The following HMBOX1 variants were observed in gnomAD, a reference collection of about 807,000 sequenced individuals.
HMBOX1 encodes homeobox-containing protein 1.
In HMBOX1, 14 loss-of-function variants were observed where a neutral mutation model predicts 54.5. That is an observed-to-expected ratio of 0.26 (90% confidence interval 0.17 to 0.40). The LOEUF (loss-of-function observed/expected upper bound fraction) is 0.40, where lower values mean the gene tolerates loss of function less well. HMBOX1 is among the 10% of genes least tolerant of loss of function. HMBOX1 has a pLI of 1.00. For missense variants in HMBOX1, 332 were observed against 514.4 expected (o/e 0.65, Z 3.43); for synonymous variants, 160 against 181.0 (o/e 0.88, Z 0.93).
At chr8:28,963,047 C>T (rs533893789) in intron 1 of HMBOX1, among the ~76,000 whole-genome samples, 32 of 152,166 alleles carry the variant, frequency 2.1e-4, no homozygotes, top group Admixed American at 3.3e-4. Flanking sequence ...TGTGATGGTG[C>T]GATCTCGGTT....
rs1253306225 is a variant in HMBOX1, at chr8:28,960,745, CTCTTTT to C, written c.-57-3046_-57-3041del. On this transcript the variant is annotated intron_variant, in intron 1 of 9. Transcript: ENST00000287701. ...TATATTTTATAATTGTAAACTTATT[CTCTTTT>C]TCTTTTTCTTTTTCTTTTTTTTTTT... is the stretch of plus-strand genomic sequence containing the variant. Among the ~76,000 whole-genome samples the C allele has an allele frequency of 2.5e-3, 171 of 67,880 alleles. 15 individuals are homozygous for C. Among genetic ancestry groups the C allele is most frequent in the Admixed American group, 4.4e-3 (22 of 5,006 alleles). 44.5% of individuals were successfully genotyped at this position (67,880 alleles called of 152,430 possible).
chr8:28,952,170 AAAAAAG>A (rs1380563923), intron 1 of HMBOX1, among the ~76,000 whole-genome samples: 2 of 151,294 alleles, frequency 1.3e-5, no homozygotes, highest in Non-Finnish European at 2.9e-5. Context: ...AAAAAAAAAA[AAAAAAG>A]AAAAAGAAAA....
chr8:28,922,186 C>G (rs1817667844), intron 1 of HMBOX1, among the ~76,000 whole-genome samples: 2 of 152,070 alleles, frequency 1.3e-5, no homozygotes, highest in Non-Finnish European at 1.5e-5. Flanking sequence ...TTATTATTCC[C>G]TAAACAATAC....
At chr8:29,016,726 T>G (rs1835072517) in intron 5 of HMBOX1, among the ~76,000 whole-genome samples, 1 of 152,228 alleles carries the variant, frequency 6.6e-6, no homozygotes, top group Admixed American at 6.5e-5. Context: ...CACTGCCTGT[T>G]GGTCAGAGAC....
chr8:29,017,925 T>C (rs1442263863), intron 5 of HMBOX1, among the ~76,000 whole-genome samples: 3 of 152,228 alleles, frequency 2.0e-5, no homozygotes, highest in African/African-American at 7.2e-5. Flanking sequence ...CTACATGTTC[T>C]AACATGTCTT....
At chr8:28,891,102 T>A (rs1298595243) in intron 1 of HMBOX1, 1 of 152,786 alleles carries the variant, frequency 6.5e-6, no homozygotes, top group African/African-American at 2.4e-5. Context: ...TGGAGCGGTG[T>A]CTGTAGATGG....
intron 1 of HMBOX1, among the ~76,000 whole-genome samples, chr8:28,919,160 T>C (rs987498393): frequency 6.6e-6 from 1 of 152,192 alleles, no homozygotes; most frequent in Non-Finnish European, 1.5e-5. Context: ...TTTTTGACTG[T>C]GCCTTTGTTT....
chr8:29,012,171 A>G (rs1834309851), intron 5 of HMBOX1, among the ~76,000 whole-genome samples: 1 of 152,238 alleles, frequency 6.6e-6, no homozygotes, highest in African/African-American at 2.4e-5. Flanking sequence ...TATAAAGGCA[A>G]ATATCACATA....
At chr8:29,026,043 TACACAC>T (rs35597688) in intron 6 of HMBOX1, among the ~76,000 whole-genome samples, 30,343 of 143,412 alleles carry the variant, frequency 0.21, 3,328 homozygotes, top group Middle Eastern at 0.3. Flanking sequence ...TGCTACCATG[TACACAC>T]ACACACACAC....
upstream of HMBOX1, chr8:28,890,181 T>C: frequency 2.4e-6 from 1 of 423,786 alleles, no homozygotes; most frequent in Non-Finnish European, 4.4e-6. Flanking sequence ...ATGTCTTCCT[T>C]ACGGGCCTGG....
At chr8:29,037,053 C>A (rs1390571674) in intron 6 of HMBOX1, among the ~76,000 whole-genome samples, 1 of 152,178 alleles carries the variant, frequency 6.6e-6, no homozygotes, top group Non-Finnish European at 1.5e-5. Flanking sequence ...TAGTACTCTT[C>A]TCTTTTCACG....
intron 1 of HMBOX1, among the ~76,000 whole-genome samples, chr8:28,892,665 G>A (rs970678310): frequency 3.3e-5 from 5 of 151,998 alleles, no homozygotes; most frequent in African/African-American, 1.2e-4. Flanking sequence ...TAAAATTTTT[G>A]CTGTTGGTCA....
intron 1 of HMBOX1, among the ~76,000 whole-genome samples, chr8:28,939,284 C>T (rs1266517082): frequency 1.3e-5 from 2 of 149,142 alleles, no homozygotes; most frequent in African/African-American, 2.5e-5. Context: ...AGCAAAACTC[C>T]GTCTAAAAAA....
chr8:28,944,763 C>G (rs916920346), intron 1 of HMBOX1, among the ~76,000 whole-genome samples: 3 of 152,138 alleles, frequency 2.0e-5, no homozygotes, highest in Admixed American at 6.5e-5. Flanking sequence ...GTAATTCCTT[C>G]AAGATGGTTA....
At chr8:28,903,851 C>G (rs1477093907) in intron 1 of HMBOX1, among the ~76,000 whole-genome samples, 1 of 151,908 alleles carries the variant, frequency 6.6e-6, no homozygotes, top group Admixed American at 6.6e-5. Flanking sequence ...TGGTTTTCAA[C>G]TGGTGATTTT....
chr8:28,890,325 A>C (rs1810628042), upstream of HMBOX1: 1 of 172,172 alleles, frequency 5.8e-6, no homozygotes, highest in South Asian at 1.2e-4. Flanking sequence ...CGGGCTCCGC[A>C]ATTTTTCTCA....
At chr8:28,926,324 T>C (rs531041886) in intron 1 of HMBOX1, among the ~76,000 whole-genome samples, 65 of 140,366 alleles carry the variant, frequency 4.6e-4, no homozygotes, top group African/African-American at 1.3e-3. Context: ...CACACACACA[T>C]ATATTTTAGA....
intron 1 of HMBOX1, among the ~76,000 whole-genome samples, chr8:28,919,012 G>C (rs770121697): frequency 1.3e-5 from 2 of 152,176 alleles, no homozygotes; most frequent in Non-Finnish European, 2.9e-5. Flanking sequence ...AGAAAACAGG[G>C]AAGTTCTTTT....
rs1243910972 is a variant in HMBOX1, at chr8:28,900,267, A to ATATATATATATAT, written c.-58+9589_-58+9590insTATATATATATAT. On this transcript the variant is annotated intron_variant, in intron 1 of 9. Coordinates refer to ENST00000287701, the MANE Select transcript of HMBOX1 (RefSeq NM_001135726.3). The stretch of plus-strand genomic sequence containing the variant: ...AAGATTCCGTCTCAAAAAAAAAAAA[A>ATATATATATATAT]AAAAATATATATATATATATATATT... 4.5e-3 allele frequency among the ~76,000 whole-genome samples: 242 copies of ATATATATATATAT among 54,328 alleles called. 1 individual carries two copies. The highest frequency in any genetic ancestry group is 7.8e-3 in the Non-Finnish European group (181 of 23,350). 35.6% of individuals were successfully genotyped at this position (54,328 alleles called of 152,430 possible). A position where few individuals can be genotyped will look rare whatever the true frequency, so the allele number is the denominator to read the frequency against.
Sources: allele counts gnomAD v4.1 joint callset (sites outside exome capture counted in the v4.1 genomes callset), GRCh38; gene constraint gnomAD v4.1.1; transcripts MANE v1.5; gene names NCBI Gene and HGNC (gene_info 2026-07-23, HGNC 2026-07-21).